TMEM266: variants seen among roughly 807,000 people sequenced by gnomAD.
TMEM266 encodes transmembrane protein 266, also known as Hv1 related protein 1.
A neutral mutation model predicts 50.5 loss-of-function variants in TMEM266; 33 were observed. That is an observed-to-expected ratio of 0.65 (90% CI 0.50 to 0.87). TMEM266 has a LOEUF of 0.87. Ranked by LOEUF, TMEM266 falls within the 40% of genes least tolerant of loss-of-function variation. The pLI, the probability that TMEM266 is intolerant of heterozygous loss-of-function variation, is 0.00. For synonymous variants in TMEM266, 310 were observed against 292.3 expected (o/e 1.06, Z -0.62); for missense variants, 655 against 695.1 (o/e 0.94, Z 0.65).
chr15:76,202,873 T>C (rs1198203613), intron 10 of TMEM266, among the ~76,000 whole-genome samples: 5 of 152,102 alleles, frequency 3.3e-5, no homozygotes, highest in South Asian at 4.2e-4. Flanking sequence ...GCTAGAATAT[T>C]ATGTTGGGCC....
intron 1 of TMEM266, among the ~76,000 whole-genome samples, chr15:76,080,890 C>T (rs560554214): frequency 1.0e-3 from 158 of 152,044 alleles, no homozygotes; most frequent in African/African-American, 3.6e-3. Flanking sequence ...GGACTACAGG[C>T]GTGCACCACT....
In TMEM266 at chr15:76,204,829, T is replaced by C. The variant is rs1346913779; in HGVS notation, c.*514T>C. 2.6e-5 allele frequency: 4 copies of C among 153,300 alleles called. No homozygotes were observed. The highest frequency in any genetic ancestry group is 5.8e-5 in the Non-Finnish European group (4 of 68,618). 9.5% of individuals were successfully genotyped at this position (153,300 alleles called of 1,614,324 possible). On this transcript the variant is annotated 3_prime_UTR_variant, in exon 11 of 11. Coordinates refer to ENST00000388942, the MANE Select transcript of TMEM266 (RefSeq NM_152335.3). ...TCCAGCATGAGCGTTTCTGAGTCTC[T>C]TCAAGACGAATCTAGTTTTCACCTT...
intron 1 of TMEM266, among the ~76,000 whole-genome samples, chr15:76,119,337 G>A (rs1319732820): frequency 6.7e-6 from 1 of 148,446 alleles, no homozygotes; most frequent in Non-Finnish European, 1.5e-5. Flanking sequence ...GGAAACCCAA[G>A]GTTTAATCTC....
intron 1 of TMEM266, among the ~76,000 whole-genome samples, chr15:76,131,794 G>A (rs1297072241): frequency 2.0e-5 from 3 of 152,052 alleles, no homozygotes; most frequent in African/African-American, 7.2e-5. Flanking sequence ...TGCTTCTATT[G>A]CCCCACAAAC....
rs113772546 is a variant in TMEM266 at position 76,127,735 on chromosome 15, C to T, written c.-96-6433C>T. ...TTCTTCAGCTTGGTCAGCATAGCTTCTGCTAATTCCAACACAGTAGCTTTG... is the reference window on the plus strand; with the variant it reads ...TTCTTCAGCTTGGTCAGCATAGCTTTTGCTAATTCCAACACAGTAGCTTTG... On this transcript the variant is annotated intron_variant, in intron 1 of 10. Coordinates refer to ENST00000388942, the MANE Select transcript of TMEM266 (RefSeq NM_152335.3). Among the ~76,000 whole-genome samples the T allele has an allele frequency of 3.5e-3, 538 of 152,276 alleles. 3 individuals carry two copies. The highest frequency in any genetic ancestry group is 0.012 in the African/African-American group (517 of 41,566).
chr15:76,165,605 C>T lies in TMEM266; in HGVS notation c.457-4211C>T, dbSNP rs1460691122. On this transcript the variant is annotated intron_variant, in intron 5 of 10. Coordinates refer to ENST00000388942, the MANE Select transcript of TMEM266 (RefSeq NM_152335.3). ...CTTTTAGGGGCCAGTATTGCAAGGC[C>T]ACGGCCCTGGGGCTGGGGCTGGGGC... Among the ~76,000 whole-genome samples, 3 of 152,286 alleles carry T rather than the reference C, an allele frequency of 2.0e-5. No individual in the cohort carries two copies. In the East Asian group the frequency reaches 5.8e-4, roughly 29 times the overall value.
intron 8 of TMEM266, chr15:76,178,430 C>A (rs1434476578): frequency 6.6e-6 from 1 of 152,344 alleles, no homozygotes; most frequent in African/African-American, 2.4e-5. Flanking sequence ...AACAAATGCT[C>A]TACTTCACTG....
chr15:76,157,802 C>T (rs374047258), intron 4 of TMEM266, among the ~76,000 whole-genome samples: 1 of 152,132 alleles, frequency 6.6e-6, no homozygotes, highest in African/African-American at 2.4e-5. Flanking sequence ...GCCTGGGGAA[C>T]ATGGCAAGGC....
At chr15:76,067,363 C>T (rs548972872) in intron 1 of TMEM266, among the ~76,000 whole-genome samples, 1 of 151,818 alleles carries the variant, frequency 6.6e-6, no homozygotes, top group Admixed American at 6.5e-5. Context: ...ATCCTTGGGG[C>T]TGGGTGCGGT....
chr15:76,130,694 C>T (rs920163772), intron 1 of TMEM266, among the ~76,000 whole-genome samples: 1 of 152,168 alleles, frequency 6.6e-6, no homozygotes, highest in African/African-American at 2.4e-5. Flanking sequence ...GTGGTGGAGA[C>T]AGGCAGGGAT....
At chr15:76,136,231 C>G (rs1293572160) in intron 2 of TMEM266, among the ~76,000 whole-genome samples, 1 of 152,142 alleles carries the variant, frequency 6.6e-6, no homozygotes, top group East Asian at 1.9e-4. Flanking sequence ...GCGTGAGCCA[C>G]CATGCCCGGC....
At chr15:76,085,642 T>G (rs1405262204) in intron 1 of TMEM266, among the ~76,000 whole-genome samples, 5 of 152,178 alleles carry the variant, frequency 3.3e-5, no homozygotes, top group Non-Finnish European at 5.9e-5. Flanking sequence ...GTATAGCCAC[T>G]TTGGAAAGTG....
chr15:76,128,784 A>G (rs1436504674), intron 1 of TMEM266, among the ~76,000 whole-genome samples: 1 of 152,082 alleles, frequency 6.6e-6, no homozygotes, highest in Non-Finnish European at 1.5e-5. Context: ...TTCCTCCCTC[A>G]TCTTTGCCCT....
Position 76,168,858 on chromosome 15 carries a change from G to C in TMEM266, c.457-958G>C, listed in dbSNP as rs1016327079. Among the ~76,000 whole-genome samples, 1 of 152,210 alleles carries C rather than the reference G, an allele frequency of 6.6e-6. No homozygotes were observed. The highest frequency in any genetic ancestry group is 2.4e-5 in the African/African-American group (1 of 41,458). ...GGAGGCACCAGCTGAGCCGGGGAGTGTGCAAGAGCTTCATGGAGGTGACGT... is the reference window on the plus strand; with the variant it reads ...GGAGGCACCAGCTGAGCCGGGGAGTCTGCAAGAGCTTCATGGAGGTGACGT... On this transcript the variant is annotated intron_variant, in intron 5 of 10. Coordinates refer to ENST00000388942, the MANE Select transcript of TMEM266 (RefSeq NM_152335.3). This position sits in a 1 kb window ranked among gnomAD's most constrained non-coding sequence, Gnocchi z 4.4.
intron 1 of TMEM266, among the ~76,000 whole-genome samples, chr15:76,098,773 C>G (rs538522866): frequency 3.7e-4 from 55 of 150,462 alleles, no homozygotes; most frequent in Non-Finnish European, 6.9e-4. Flanking sequence ...TCAGAGATGT[C>G]CTGCCTAGAG....
At chr15:76,149,780 G>A (rs1043879567) in intron 3 of TMEM266, among the ~76,000 whole-genome samples, 10 of 152,172 alleles carry the variant, frequency 6.6e-5, no homozygotes, top group Admixed American at 6.5e-5. Context: ...GCAACTAGAC[G>A]AGTTAACATT....
intron 1 of TMEM266, among the ~76,000 whole-genome samples, chr15:76,071,580 C>G (rs982605296): frequency 1.3e-5 from 2 of 152,194 alleles, no homozygotes; most frequent in African/African-American, 4.8e-5. Flanking sequence ...CATAAGGCCT[C>G]TTGAGAAACC....
At chr15:76,173,094 G>A (rs1342999124) in intron 7 of TMEM266, among the ~76,000 whole-genome samples, 2 of 152,140 alleles carry the variant, frequency 1.3e-5, no homozygotes, top group Non-Finnish European at 2.9e-5. Context: ...CCCTGGGTGT[G>A]AACTGGCTTC....
chr15:76,080,764 T>A (rs1161644804), intron 1 of TMEM266, among the ~76,000 whole-genome samples: 1 of 152,084 alleles, frequency 6.6e-6, no homozygotes, highest in African/African-American at 2.4e-5. Context: ...TCTTTTTTTT[T>A]AGGAGACTGT....
Sources: allele counts gnomAD v4.1 joint callset (sites outside exome capture counted in the v4.1 genomes callset), GRCh38; gene constraint gnomAD v4.1.1; non-coding constraint Gnocchi (gnomAD v3.1); transcripts MANE v1.5; gene names NCBI Gene and HGNC (gene_info 2026-07-23, HGNC 2026-07-21).